The following MLXIPL variants were observed in gnomAD, a reference collection of about 807,000 sequenced individuals.
MLXIPL encodes MLX interacting protein like, also known as carbohydrate-responsive element-binding protein.
MLXIPL carries 49 observed loss-of-function variants against 81.5 expected under a neutral mutation model. The observed-to-expected ratio is 0.60, with a 90% CI of 0.48 to 0.76. The LOEUF (loss-of-function observed/expected upper bound fraction) is 0.76, where lower values mean the gene tolerates loss of function less well. MLXIPL is among the 30% of genes least tolerant of loss of function. MLXIPL has a pLI of 0.00. For synonymous variants in MLXIPL, 466 were observed against 485.5 expected (o/e 0.96, Z 0.53); for missense variants, 1,053 against 1,167.0 (o/e 0.90, Z 1.42).
the MLXIPL span, among the ~76,000 whole-genome samples, chr7:73,636,359 G>A: frequency 2.0e-5 from 3 of 151,060 alleles, no homozygotes; most frequent in South Asian, 2.1e-4. Context: ...GTGGTGAGCC[G>A]AGATTGAGCC....
chr7:73,611,919 A>G (rs1317570179), intron 2 of MLXIPL, among the ~76,000 whole-genome samples: 62 of 152,212 alleles, frequency 4.1e-4, no homozygotes, highest in Non-Finnish European at 4.4e-5. Flanking sequence ...GACAGAAAAC[A>G]AAGGGCTGGG....
intron 1 of MLXIPL, among the ~76,000 whole-genome samples, chr7:73,620,445 TAAAAG>T (rs1796272458): frequency 6.8e-6 from 1 of 146,612 alleles, no homozygotes; most frequent in Non-Finnish European, 1.5e-5. Flanking sequence ...CAAAAACTAT[TAAAAG>T]AAGAAAAGAG....
At chr7:73,624,630 G>T (rs1196954483), upstream of MLXIPL, 39 of 1,371,246 alleles carry the variant, frequency 2.8e-5, no homozygotes, top group Non-Finnish European at 3.7e-5. Context: ...ACGGGGCGGG[G>T]CTTGTATTAG....
intron 2 of MLXIPL, among the ~76,000 whole-genome samples, chr7:73,608,593 A>G (rs1795481581): frequency 6.7e-6 from 1 of 149,168 alleles, no homozygotes; most frequent in African/African-American, 2.4e-5. Flanking sequence ...AGAAAAAAAA[A>G]AAAGAAAAAA....
At chr7:73,631,987 CCTTTT>C in the MLXIPL span, among the ~76,000 whole-genome samples, 2 of 140,162 alleles carry the variant, frequency 1.4e-5, no homozygotes, top group African/African-American at 2.6e-5. Context: ...CCTCTCCTCT[CCTTTT>C]CTTTTCTTTT....
intron 7 of MLXIPL, among the ~76,000 whole-genome samples, chr7:73,601,167 G>T (rs1245350932): frequency 1.4e-5 from 2 of 148,070 alleles, no homozygotes; most frequent in African/African-American, 2.5e-5. Flanking sequence ...AGAACCCACT[G>T]CAGGGTCAAG....
At chr7:73,594,181 T>C in intron 16 of MLXIPL, 93 bp downstream of exon 16, 1 of 1,585,906 alleles carries the variant, frequency 6.3e-7, no homozygotes. Flanking sequence ...GCTGTGTTGA[T>C]GGCAAGCTGG....
At chr7:73,633,811 A>G in the MLXIPL span, among the ~76,000 whole-genome samples, 2 of 152,086 alleles carry the variant, frequency 1.3e-5, no homozygotes, top group African/African-American at 4.8e-5. Context: ...AGTGAGAAAC[A>G]TGCCTCTGCC....
intron 2 of MLXIPL, 123 bp from the exon 3 acceptor site, chr7:73,607,795 C>CCCAT (rs1795422232): frequency 1.4e-6 from 1 of 730,328 alleles, no homozygotes; most frequent in Admixed American, 2.4e-5. Context: ...AGATTAAGTG[C>CCCAT]CCATGCTGCC....
At chr7:73,624,592 T>C (rs747758003), upstream of MLXIPL, 105 of 1,400,106 alleles carry the variant, frequency 7.5e-5, no homozygotes, top group South Asian at 6.8e-4. Flanking sequence ...CCCCACACCA[T>C]AGGCCGATCG....
At position 73,596,439 on chromosome 7, in the gene MLXIPL, T is replaced by A. The variant is rs1183326901; in HGVS notation, c.1863A>T (p.Pro621=). ...CACGGACGCTCAGAGTCCCAGGGCC[T>A]GGCATGGAGCTGAGGTCCCCTGACA... The part of the protein sequence containing the change: ...RRLSGDLSSM[P]GPGTLSVRVS... The change falls in exon 12 of 17, where the codon CCA becomes CCT. Residue 621 remains proline, a synonymous_variant. Transcript: ENST00000313375. This position sits in a 1 kb window ranked among gnomAD's most constrained non-coding sequence, Gnocchi z 4.7. 5 of 1,612,652 alleles carry A rather than the reference T, an allele frequency of 3.1e-6. No homozygotes were observed. Among genetic ancestry groups the A allele is most frequent in the Non-Finnish European group, 4.2e-6 (5 of 1,179,954 alleles).
chr7:73,630,456 C>G, the MLXIPL span, among the ~76,000 whole-genome samples: 4 of 151,902 alleles, frequency 2.6e-5, no homozygotes, highest in Non-Finnish European at 4.4e-5. Context: ...CTATGCCCAC[C>G]TAATTTTTGT....
At chr7:73,638,021 C>T in the MLXIPL span, among the ~76,000 whole-genome samples, 5 of 152,126 alleles carry the variant, frequency 3.3e-5, no homozygotes, top group Non-Finnish European at 5.9e-5. Context: ...TTTCCTTTGG[C>T]CTCCCCCATT....
chr7:73,643,972 G>T, the MLXIPL span, among the ~76,000 whole-genome samples: 2 of 152,032 alleles, frequency 1.3e-5, no homozygotes, highest in East Asian at 3.9e-4. Context: ...GTCTCACTAT[G>T]TTGCCCAGGC....
the MLXIPL span, among the ~76,000 whole-genome samples, chr7:73,631,133 C>A: frequency 6.6e-6 from 1 of 151,896 alleles, no homozygotes; most frequent in Non-Finnish European, 1.5e-5. Context: ...CTCAGCCTCC[C>A]GAGTAGCTAG....
chr7:73,620,913 G>T (rs1554601867), intron 1 of MLXIPL, among the ~76,000 whole-genome samples: 1 of 151,696 alleles, frequency 6.6e-6, no homozygotes, highest in Non-Finnish European at 1.5e-5. Flanking sequence ...AGCTGGGGAT[G>T]GTGGCACATG....
chr7:73,607,605 C>T lies in MLXIPL; in HGVS notation c.468G>A (p.Ala156=), dbSNP rs1554598716. The T allele has an allele frequency of 7.4e-6, 12 of 1,613,008 alleles. No homozygotes were observed. The highest frequency in any genetic ancestry group is 5.0e-5 in the Admixed American group (3 of 59,994). The change falls in exon 3 of 17, where the codon GCG becomes GCA. Residue 156 remains alanine, a synonymous_variant. Transcript: ENST00000313375. ...ACCCAGCTACCTCCGGCTTCCGGTGCGCATCAGCCTCAGGCCCCTGCAGGG... is the reference window on the plus strand; with the variant it reads ...ACCCAGCTACCTCCGGCTTCCGGTGTGCATCAGCCTCAGGCCCCTGCAGGG... The part of the protein sequence containing the change: ...VTPLQGPEAD[A]HRKPEAVVLE...
chr7:73,601,213 GTGTT>G (rs1794797526), intron 7 of MLXIPL, among the ~76,000 whole-genome samples: 2 of 150,424 alleles, frequency 1.3e-5, no homozygotes, highest in African/African-American at 2.5e-5. Context: ...GTGTGTGTGT[GTGTT>G]TGTGTCTTCA....
intron 7 of MLXIPL, among the ~76,000 whole-genome samples, chr7:73,604,607 A>C (rs1795138550): frequency 6.6e-6 from 1 of 151,984 alleles, no homozygotes; most frequent in South Asian, 2.1e-4. Context: ...ATAAAATAGA[A>C]ACATAACAGA....
Sources: gnomAD v4.1 joint callset for allele counts (sites outside exome capture counted in the v4.1 genomes callset) on GRCh38, gnomAD v4.1.1 for gene constraint, Gnocchi (gnomAD v3.1) non-coding constraint, MANE v1.5 for transcripts, NCBI Gene and HGNC (gene_info 2026-07-23, HGNC 2026-07-21) for gene names.